The following ARID1B variants were observed in gnomAD, a reference collection of about 807,000 sequenced individuals.
The protein encoded by ARID1B is AT-rich interaction domain 1B.
Under a neutral mutation model 212.3 loss-of-function variants are expected in ARID1B, and 30 were observed. That is an observed-to-expected ratio of 0.14 (90% CI 0.11 to 0.19). The LOEUF (loss-of-function observed/expected upper bound fraction) is 0.19, where lower values mean the gene tolerates loss of function less well. Among genes scored for constraint, ARID1B ranks in the 10% least tolerant of loss-of-function variants. The pLI is 1.00. For missense variants in ARID1B, 2,891 were observed against 3,204.0 expected, an observed-to-expected ratio of 0.90 and a Z score of 2.36; for synonymous variants, 1,402 against 1,301.7, an observed-to-expected ratio of 1.08 and a Z score of -1.66.
intron 4 of ARID1B, among the ~76,000 whole-genome samples, chr6:156,972,751 C>A (rs545491779): frequency 6.6e-6 from 1 of 152,328 alleles, no homozygotes; most frequent in East Asian, 1.9e-4. Flanking sequence ...AGAAATCAGA[C>A]TGATTACAGT....
rs193087681 is a variant in ARID1B, at chr6:156,783,994, A to T, written c.1791+4523A>T. The stretch of plus-strand genomic sequence containing the variant: ...GTGTGTTGCATAAAATGACAGATTT[A>T]TGGAGGCTGAAAATATTAATAAAAC... On this transcript the variant is annotated intron_variant, in intron 1 of 19. Transcript: ENST00000636930. Among the ~76,000 whole-genome samples the T allele has an allele frequency of 2.0e-5, 3 of 152,336 alleles. No homozygotes were observed. The East Asian group carries it at 5.8e-4, about 29-fold the overall frequency.
At chr6:156,920,040 C>T (rs1790655499) in intron 3 of ARID1B, among the ~76,000 whole-genome samples, 1 of 152,238 alleles carries the variant, frequency 6.6e-6, no homozygotes, top group Non-Finnish European at 1.5e-5. Flanking sequence ...CATGAGTGGA[C>T]ATTGCCTTGT....
At chr6:156,877,711 T>C (rs1244944929) in intron 2 of ARID1B, among the ~76,000 whole-genome samples, 3 of 150,888 alleles carry the variant, frequency 2.0e-5, no homozygotes, top group Non-Finnish European at 4.4e-5. Flanking sequence ...ATTTATCCTT[T>C]TTTTTTTTTT....
At chr6:156,935,680 G>T in intron 4 of ARID1B, 104 bp downstream of exon 4, 1 of 1,044,826 alleles carries the variant, frequency 9.6e-7, no homozygotes, top group South Asian at 1.5e-5. Flanking sequence ...TGATTGAGAA[G>T]TTTCTAGACT....
chr6:157,186,043 G>A (rs1792950892), intron 13 of ARID1B: 1 of 153,958 alleles, frequency 6.5e-6, no homozygotes, highest in Admixed American at 6.4e-5. Flanking sequence ...TAAAAACCCA[G>A]TGGGGCGTAG....
chr6:156,971,741 A>G (rs1475378768), intron 4 of ARID1B, among the ~76,000 whole-genome samples: 1 of 152,098 alleles, frequency 6.6e-6, no homozygotes, highest in Non-Finnish European at 1.5e-5. Context: ...TGTGGAGCTC[A>G]TGGCACCTTG....
intron 4 of ARID1B, among the ~76,000 whole-genome samples, chr6:156,979,032 G>A (rs761477335): frequency 3.9e-5 from 6 of 152,230 alleles, no homozygotes; most frequent in African/African-American, 1.2e-4. Flanking sequence ...TAAATGTGTC[G>A]TCAGTGCTTA....
chr6:156,790,661 T>C (rs1779947741), intron 1 of ARID1B, among the ~76,000 whole-genome samples: 1 of 152,246 alleles, frequency 6.6e-6, no homozygotes, highest in African/African-American at 2.4e-5. Flanking sequence ...AAATCATCCC[T>C]TTCCCCCCAT....
At chr6:156,893,793 A>G (rs1788155514) in intron 2 of ARID1B, among the ~76,000 whole-genome samples, 1 of 152,208 alleles carries the variant, frequency 6.6e-6, no homozygotes, top group Non-Finnish European at 1.5e-5. Flanking sequence ...GAAAATACCA[A>G]GTGTTGTCAA....
intron 8 of ARID1B, chr6:157,151,747 G>A (rs934042153): frequency 6.6e-6 from 1 of 152,208 alleles, no homozygotes; most frequent in African/African-American, 2.4e-5. Context: ...TTTTAGTAGA[G>A]ACATGCCCCA....
chr6:157,103,410 G>T (rs1032560737), intron 5 of ARID1B, among the ~76,000 whole-genome samples: 1 of 152,206 alleles, frequency 6.6e-6, no homozygotes, highest in Non-Finnish European at 1.5e-5. Flanking sequence ...TATGGAAAGT[G>T]TTAATACTGT....
chr6:156,823,751 AAG>A (rs1408058487), intron 1 of ARID1B, among the ~76,000 whole-genome samples: 2 of 151,130 alleles, frequency 1.3e-5, no homozygotes, highest in African/African-American at 4.9e-5. Flanking sequence ...GGGCTGAAAA[AAG>A]TAGTAAAATA....
intron 4 of ARID1B, among the ~76,000 whole-genome samples, chr6:157,057,052 G>T (rs770542741): frequency 5.9e-5 from 9 of 151,798 alleles, no homozygotes; most frequent in Admixed American, 1.3e-4. Flanking sequence ...GCTCAGGCTG[G>T]AGTGCAGTGG....
intron 6 of ARID1B, among the ~76,000 whole-genome samples, chr6:157,111,482 G>A (rs933966096): frequency 1.3e-5 from 2 of 152,106 alleles, no homozygotes; most frequent in African/African-American, 4.8e-5. Flanking sequence ...CCGCTGTCCT[G>A]CACTCCCCTC....
At chr6:156,876,888 T>TG (rs1352190179) in intron 2 of ARID1B, among the ~76,000 whole-genome samples, 2 of 152,280 alleles carry the variant, frequency 1.3e-5, no homozygotes, top group African/African-American at 2.4e-5. Flanking sequence ...ATTAATTTTT[T>TG]TTGTTGTTGT....
chr6:157,192,401 G>A (rs1196599339), intron 15 of ARID1B, among the ~76,000 whole-genome samples: 1 of 152,064 alleles, frequency 6.6e-6, no homozygotes, highest in African/African-American at 2.4e-5. Flanking sequence ...ATAAATTTGT[G>A]GGGGTGGAAT....
intron 19 of ARID1B, 168 bp downstream of exon 19, chr6:157,204,164 A>G: frequency 1.2e-6 from 1 of 834,150 alleles, no homozygotes; most frequent in Non-Finnish European, 1.9e-6. Context: ...TATCTGGGAT[A>G]ATATTCACTG....
intron 1 of ARID1B, among the ~76,000 whole-genome samples, chr6:156,802,894 A>AACATAT (rs1294205286): frequency 1.1e-4 from 17 of 152,222 alleles, no homozygotes; most frequent in Admixed American, 1.1e-3. Context: ...TTATTTGTGT[A>AACATAT]TGTACACAAT....
intron 4 of ARID1B, among the ~76,000 whole-genome samples, chr6:157,055,788 G>A (rs1208508572): frequency 6.6e-6 from 1 of 152,160 alleles, no homozygotes; most frequent in East Asian, 1.9e-4. Context: ...GGTCTCATCT[G>A]AGGTTTAGGG....
Sources: gnomAD v4.1 joint callset for allele counts (sites outside exome capture counted in the v4.1 genomes callset) on GRCh38, gnomAD v4.1.1 for gene constraint, MANE v1.5 for transcripts, NCBI Gene and HGNC (gene_info 2026-07-23, HGNC 2026-07-21) for gene names.